OR51E1: variants seen among roughly 807,000 people sequenced by gnomAD.
The protein encoded by OR51E1 is olfactory receptor 51E1.
In OR51E1, 9 loss-of-function variants were observed where a neutral mutation model predicts 11.5. The ratio of observed to expected loss-of-function variants is 0.78; its 90% CI spans 0.47 to 1.37. The LOEUF is 1.37. Ranked by LOEUF, OR51E1 falls within the 40% of genes most tolerant of loss-of-function variation. OR51E1 has a pLI of 0.00. For missense variants in OR51E1, 397 were observed against 410.2 expected (o/e 0.97, Z 0.28); for synonymous variants, 168 against 158.3 (o/e 1.06, Z -0.46).
At position 4,653,128 on chromosome 11, in the gene OR51E1, A is replaced by G. The variant is rs1229459352; in HGVS notation, c.602A>G (p.Tyr201Cys). Residue 201 changes from tyrosine to cysteine, a missense_variant, in exon 2 of 2, where the codon TAT (tyrosine) becomes TGT (cysteine). Coordinates refer to ENST00000396952, the MANE Select transcript of OR51E1 (RefSeq NM_152430.4). Reference sequence around the variant, plus strand: ...GATGATATCCGGGTCAATGTCGTCTATGGCCTTATCGTCATCATCTCCGCC... The same window carrying G: ...GATGATATCCGGGTCAATGTCGTCTGTGGCCTTATCGTCATCATCTCCGCC... The part of the protein sequence containing the change: ...ACDDIRVNVV[Y>C]GLIVIISAIG... The G allele has an allele frequency of 6.2e-7, 1 of 1,613,788 alleles. No individual in the cohort carries two copies. The highest frequency in any genetic ancestry group is 8.5e-7 in the Non-Finnish European group (1 of 1,179,728).
intron 1 of OR51E1, among the ~76,000 whole-genome samples, chr11:4,647,588 G>T (rs1223282455): frequency 6.6e-6 from 1 of 152,160 alleles, no homozygotes; most frequent in African/African-American, 2.4e-5. Context: ...GGGCTGGTGA[G>T]GGGGGCTGGG....
chr11:4,644,391 G>A (rs1847002934), intron 1 of OR51E1, among the ~76,000 whole-genome samples: 1 of 152,060 alleles, frequency 6.6e-6, no homozygotes, highest in South Asian at 2.1e-4. Flanking sequence ...GTCGGGGTTT[G>A]GTGTGTGAAC....
intron 1 of OR51E1, among the ~76,000 whole-genome samples, chr11:4,648,251 A>G (rs1847052560): frequency 6.6e-6 from 1 of 152,248 alleles, no homozygotes; most frequent in Non-Finnish European, 1.5e-5. Context: ...ATCAGTGCCC[A>G]GTCTTGCTAT....
chr11:4,651,069 C>T (rs749786094), intron 1 of OR51E1, among the ~76,000 whole-genome samples: 6 of 152,158 alleles, frequency 3.9e-5, no homozygotes, highest in African/African-American at 1.2e-4. Flanking sequence ...GGAATCAGTT[C>T]ACTCTTAACA....
intron 1 of OR51E1, among the ~76,000 whole-genome samples, chr11:4,645,771 G>T (rs1327159740): frequency 4.6e-5 from 7 of 152,142 alleles, no homozygotes; most frequent in African/African-American, 7.2e-5. Context: ...CTGCCTAGGG[G>T]TGATTTTAGG....
intron 1 of OR51E1, among the ~76,000 whole-genome samples, chr11:4,651,038 G>A (rs948781314): frequency 8.4e-5 from 12 of 143,456 alleles, no homozygotes; most frequent in Non-Finnish European, 1.2e-4. Context: ...GTCGATGGAG[G>A]AAAGAAAGGG....
At chr11:4,649,401 TAAAAA>T (rs1238405583) in intron 1 of OR51E1, among the ~76,000 whole-genome samples, 1 of 151,752 alleles carries the variant, frequency 6.6e-6, no homozygotes, top group Non-Finnish European at 1.5e-5. Flanking sequence ...GGATGAGAAG[TAAAAA>T]AAGACAGAAA....
Position 4,647,022 on chromosome 11 carries a change from A to G in OR51E1, c.-40+2992A>G, listed in dbSNP as rs371374864. Among the ~76,000 whole-genome samples the G allele has an allele frequency of 3.2e-4, 49 of 152,308 alleles. 2 individuals carry two copies. The South Asian group carries it at 9.7e-3, about 30-fold the overall frequency. ...ATATAGAGAGGATCCATGGTGCAGC[A>G]AGAAGGGATGTTGATGACTTTGGCC... On this transcript the variant is annotated intron_variant, in intron 1 of 1. Transcript: ENST00000396952.
At chr11:4,648,568 A>C (rs945361891) in intron 1 of OR51E1, among the ~76,000 whole-genome samples, 3 of 151,874 alleles carry the variant, frequency 2.0e-5, no homozygotes, top group African/African-American at 7.3e-5. Flanking sequence ...TCACCACATC[A>C]CTCTACCTTC....
chr11:4,649,882 G>A (rs1847073106), intron 1 of OR51E1, among the ~76,000 whole-genome samples: 1 of 152,042 alleles, frequency 6.6e-6, no homozygotes, highest in African/African-American at 2.4e-5. Context: ...TATTAGCCAG[G>A]GACTCTTATA....
Position 4,653,623 on chromosome 11 carries a change from G to T in OR51E1, c.*140G>T. On this transcript the variant is annotated 3_prime_UTR_variant, in exon 2 of 2. Transcript: ENST00000396952. Reference sequence around the variant, plus strand: ...ATCCTTCAAATATGAAACTGGTTGGGGAATCTCCATTTTTTCAATATTATT... The same window carrying T: ...ATCCTTCAAATATGAAACTGGTTGGTGAATCTCCATTTTTTCAATATTATT... The T allele has an allele frequency of 7.2e-6, 4 of 553,426 alleles. No individual in the cohort carries two copies. The highest frequency in any genetic ancestry group is 5.8e-5 in the South Asian group (2 of 34,728). 34.3% of individuals were successfully genotyped at this position (553,426 alleles called of 1,614,324 possible). A position where few individuals can be genotyped will look rare whatever the true frequency, so the allele number is the denominator to read the frequency against.
At chr11:4,650,346 G>A (rs906651362) in intron 1 of OR51E1, among the ~76,000 whole-genome samples, 2 of 152,136 alleles carry the variant, frequency 1.3e-5, no homozygotes, top group African/African-American at 4.8e-5. Flanking sequence ...AAAGGAGAGG[G>A]AGAAGCTCTA....
In OR51E1 at chr11:4,654,237, A is replaced by G. The variant is rs1847141511; in HGVS notation, c.*754A>G. The G allele has an allele frequency of 6.0e-6, 1 of 167,112 alleles. No individual in the cohort carries two copies. The highest frequency in any genetic ancestry group is 6.5e-5 in the Admixed American group (1 of 15,286). The allele number at this position is 167,112 out of a possible 1,614,324, so 10.4% of individuals were successfully genotyped here. Reference sequence around the variant, plus strand: ...ATAAAAATTAAAAAAAAAAGACTTCATGCCCAATCTCATATGATGTGGAAG... The same window carrying G: ...ATAAAAATTAAAAAAAAAAGACTTCGTGCCCAATCTCATATGATGTGGAAG... On this transcript the variant is annotated 3_prime_UTR_variant, in exon 2 of 2. Coordinates refer to ENST00000396952, the MANE Select transcript of OR51E1 (RefSeq NM_152430.4).
chr11:4,645,059 C>G (rs10768151), intron 1 of OR51E1, among the ~76,000 whole-genome samples: 63,808 of 151,810 alleles, frequency 0.42, 15,037 homozygotes, highest in Middle Eastern at 0.54. Flanking sequence ...TTAAGAGAGG[C>G]TTTTTCTGAC....
chr11:4,644,232 G>C (rs755280255), intron 1 of OR51E1, among the ~76,000 whole-genome samples: 15 of 152,094 alleles, frequency 9.9e-5, no homozygotes, highest in Non-Finnish European at 1.6e-4. Context: ...GTGGGTGCTG[G>C]AGGTAGCCTA....
intron 1 of OR51E1, among the ~76,000 whole-genome samples, chr11:4,650,387 G>A (rs1197454929): frequency 6.6e-6 from 1 of 152,176 alleles, no homozygotes; most frequent in African/African-American, 2.4e-5. Context: ...GGTGCCACAT[G>A]CTGCAGAGAA....
At chr11:4,648,948 C>T (rs1307104478) in intron 1 of OR51E1, among the ~76,000 whole-genome samples, 1 of 152,068 alleles carries the variant, frequency 6.6e-6, no homozygotes, top group Non-Finnish European at 1.5e-5. Context: ...ATTAAAATTA[C>T]TCTGCACTGA....
Position 4,652,693 on chromosome 11 carries a change from AC to A in OR51E1, c.168del (p.His56GlnfsTer103). 6.2e-7 allele frequency: 1 copy of A among 1,614,180 alleles called. No homozygotes were observed. The highest frequency in any genetic ancestry group is 8.5e-7 in the Non-Finnish European group (1 of 1,180,030). ...LTIIYIVRTE[H>X]SLHEPMYIFL... ...ATCATCTACATTGTGCGGACTGAGC[AC>A]AGCCTGCATGAGCCCATGTATATAT... On this transcript the variant is annotated frameshift_variant, in exon 2 of 2. Transcript: ENST00000396952. LOFTEE classifies it high-confidence loss of function.
Position 4,653,592 on chromosome 11 carries a change from A to C in OR51E1, c.*109A>C. 1.6e-6 allele frequency: 1 copy of C among 616,740 alleles called. No homozygotes were observed. The allele number at this position is 616,740 out of a possible 1,614,324, so 38.2% of individuals were successfully genotyped here. A position where few individuals can be genotyped will look rare whatever the true frequency, so the allele number is the denominator to read the frequency against. ...AAAAAATTTCCTTAATAAAAATACA[A>C]CTCAGATCCTTCAAATATGAAACTG... On this transcript the variant is annotated 3_prime_UTR_variant, in exon 2 of 2. Coordinates refer to ENST00000396952, the MANE Select transcript of OR51E1 (RefSeq NM_152430.4).
Sources: allele counts gnomAD v4.1 joint callset (sites outside exome capture counted in the v4.1 genomes callset), GRCh38; gene constraint gnomAD v4.1.1; transcripts MANE v1.5; gene names NCBI Gene and HGNC (gene_info 2026-07-23, HGNC 2026-07-21).